The following MPZL1 variants were observed in gnomAD, a reference collection of about 807,000 sequenced individuals.
MPZL1 encodes the protein myelin protein zero like 1.
MPZL1 carries 16 observed loss-of-function variants against 29.3 expected under a neutral mutation model. The observed-to-expected ratio is 0.55, with a 90% confidence interval of 0.37 to 0.83. The LOEUF is 0.83. Ranked by LOEUF, MPZL1 falls within the 40% of genes least tolerant of loss-of-function variation. MPZL1 has a pLI of 0.00. For synonymous variants in MPZL1, 143 were observed against 132.0 expected, an observed-to-expected ratio of 1.08 and a Z score of -0.57; for missense variants, 279 against 332.9, an observed-to-expected ratio of 0.84 and a Z score of 1.26.
intron 2 of MPZL1, among the ~76,000 whole-genome samples, chr1:167,766,834 A>C: frequency 6.6e-6 from 1 of 152,144 alleles, no homozygotes; most frequent in African/African-American, 2.4e-5. Context: ...ATACGGTATG[A>C]TTTCCCTTAT....
chr1:167,765,916 T>A, intron 2 of MPZL1, 167 bp downstream of exon 2: 1 of 508,120 alleles, frequency 2.0e-6, no homozygotes, highest in South Asian at 4.8e-5. Flanking sequence ...AAGTTCAGCA[T>A]CTCTTAAATG....
At chr1:167,755,674 T>G (rs1248650885) in intron 1 of MPZL1, among the ~76,000 whole-genome samples, 5 of 152,228 alleles carry the variant, frequency 3.3e-5, no homozygotes, top group Admixed American at 1.3e-4. Context: ...GGCATTTGTG[T>G]TGCCTGCTTC....
intron 2 of MPZL1, among the ~76,000 whole-genome samples, chr1:167,770,319 A>T (rs1307820843): frequency 6.6e-6 from 1 of 152,222 alleles, no homozygotes; most frequent in Non-Finnish European, 1.5e-5. Flanking sequence ...GGCCTCCAGC[A>T]TAGCTGCTTG....
chr1:167,776,014 T>TTTA, intron 4 of MPZL1, 50 bp from the exon 5 acceptor site: 1 of 1,251,346 alleles, frequency 8.0e-7, no homozygotes, highest in Non-Finnish European at 1.1e-6. Flanking sequence ...TTTCTATTTA[T>TTTA]TTATTATTAT....
At chr1:167,728,108 C>T (rs1036164373) in intron 1 of MPZL1, among the ~76,000 whole-genome samples, 16 of 146,982 alleles carry the variant, frequency 1.1e-4, no homozygotes, top group African/African-American at 3.9e-4. Flanking sequence ...CGCGCCATCT[C>T]GGCTCATTGC....
chr1:167,762,794 T>C (rs1006336380), intron 1 of MPZL1, among the ~76,000 whole-genome samples: 7 of 152,198 alleles, frequency 4.6e-5, no homozygotes, highest in Non-Finnish European at 8.8e-5. Context: ...GACTAGGGTT[T>C]TAGAAGGTTT....
chr1:167,742,174 T>C (rs897715464), intron 1 of MPZL1, among the ~76,000 whole-genome samples: 1 of 151,804 alleles, frequency 6.6e-6, no homozygotes, highest in Non-Finnish European at 1.5e-5. Context: ...TCACCTGTAG[T>C]CCCAGCTACT....
In MPZL1 at chr1:167,791,088, C is replaced by T. The variant is rs1272480029; in HGVS notation, c.*3167C>T. ...TATATAAAAGAGCAAGCCCCCCACC[C>T]CACCGCCTCAGCCTTCCTGGCCCCC... is the stretch of plus-strand genomic sequence containing the variant. On this transcript the variant is annotated 3_prime_UTR_variant, in exon 6 of 6. Coordinates refer to ENST00000359523, the MANE Select transcript of MPZL1 (RefSeq NM_003953.6). The T allele has an allele frequency of 6.6e-6, 1 of 152,260 alleles. No homozygotes were observed. 9.4% of individuals were successfully genotyped at this position (152,260 alleles called of 1,614,324 possible). A position where few individuals can be genotyped will look rare whatever the true frequency, so the allele number is the denominator to read the frequency against.
rs969204599 is a variant in MPZL1, at chr1:167,772,126, G to GGA, written c.259-141_259-140dup. ...CAACAGAGGGAGACCGAAAAAAGGA[G>GGA]GAGAGAGAGGGGGAGAGGGAGAGGG... is the stretch of plus-strand genomic sequence containing the variant. On this transcript the variant is annotated intron_variant, in intron 2 of 5. Transcript: ENST00000359523. 3 of 680,042 alleles carry GGA rather than the reference G, an allele frequency of 4.4e-6. No individual in the cohort carries two copies. The African/African-American group carries it at 5.5e-5, about 12-fold the overall frequency. The allele number at this position is 680,042 out of a possible 1,614,324, so 42.1% of individuals were successfully genotyped here.
chr1:167,771,442 T>C (rs902222186), intron 2 of MPZL1, among the ~76,000 whole-genome samples: 4 of 152,164 alleles, frequency 2.6e-5, no homozygotes, highest in Admixed American at 6.5e-5. Flanking sequence ...TTTCCCCACA[T>C]TTCCCCCTTT....
intron 1 of MPZL1, among the ~76,000 whole-genome samples, chr1:167,732,823 G>C (rs537009600): frequency 2.0e-5 from 3 of 152,160 alleles, no homozygotes; most frequent in Non-Finnish European, 2.9e-5. Context: ...GACCAGGCTG[G>C]TCTCGAGCTC....
intron 5 of MPZL1, among the ~76,000 whole-genome samples, chr1:167,784,638 G>A (rs6661690): frequency 0.073 from 11,083 of 152,184 alleles, 578 homozygotes; most frequent in African/African-American, 0.14. Context: ...ACTTCATAGA[G>A]GTGTTCTAGA....
chr1:167,787,798 T>C, intron 5 of MPZL1, 22 bp from the exon 6 acceptor site: 2 of 1,574,620 alleles, frequency 1.3e-6, no homozygotes, highest in Middle Eastern at 1.7e-4. Flanking sequence ...AGTCCTCTAA[T>C]CCTTCTGCTT....
intron 1 of MPZL1, among the ~76,000 whole-genome samples, chr1:167,727,698 T>C (rs545557658): frequency 1.3e-5 from 2 of 152,288 alleles, no homozygotes; most frequent in African/African-American, 2.4e-5. Context: ...ACATTAGCAG[T>C]GCCCTAGAGT....
intron 1 of MPZL1, among the ~76,000 whole-genome samples, chr1:167,733,398 T>G (rs1270824160): frequency 6.6e-6 from 1 of 152,196 alleles, no homozygotes; most frequent in Non-Finnish European, 1.5e-5. Flanking sequence ...AAAGTTCTTT[T>G]AAAATGCTGG....
At chr1:167,744,147 G>A (rs888263562) in intron 1 of MPZL1, among the ~76,000 whole-genome samples, 1 of 151,826 alleles carries the variant, frequency 6.6e-6, no homozygotes, top group Non-Finnish European at 1.5e-5. Context: ...CTTTGAAGTC[G>A]GTACTATTAG....
chr1:167,739,282 C>CATATATATATATATATATATATACAT (rs1660456899), intron 1 of MPZL1, among the ~76,000 whole-genome samples: 1 of 90,440 alleles, frequency 1.1e-5, no homozygotes, highest in African/African-American at 6.3e-5. Context: ...TACATATATA[C>CATATATATATATATATATATATACAT]ATATATATAT....
rs145078303 is a variant in MPZL1, at chr1:167,736,293, T to A, written c.91+14051T>A. 2.6e-5 allele frequency among the ~76,000 whole-genome samples: 4 copies of A among 152,300 alleles called. No individual in the cohort carries two copies. In the East Asian group the frequency reaches 7.7e-4, roughly 29 times the overall value. ...AATTTCGTCCATTTTTGTCTGTTTG[T>A]TGACAGTGAATATGTGGCAGCTATA... is the stretch of plus-strand genomic sequence containing the variant. On this transcript the variant is annotated intron_variant, in intron 1 of 5. Transcript: ENST00000359523.
intron 1 of MPZL1, among the ~76,000 whole-genome samples, chr1:167,758,542 T>G (rs1660917567): frequency 6.6e-6 from 1 of 152,216 alleles, no homozygotes; most frequent in African/African-American, 2.4e-5. Context: ...GCTTTTTTTT[T>G]TCTTTCTGAA....
Sources: gnomAD v4.1 joint callset for allele counts (sites outside exome capture counted in the v4.1 genomes callset) on GRCh38, gnomAD v4.1.1 for gene constraint, MANE v1.5 for transcripts, NCBI Gene and HGNC (gene_info 2026-07-23, HGNC 2026-07-21) for gene names.